PI4KA: variants seen among roughly 807,000 people sequenced by gnomAD.
PI4KA encodes phosphatidylinositol 4-kinase alpha, also known as PI4-kinase alpha.
In PI4KA, 122 loss-of-function variants were observed where a neutral mutation model predicts 271.4. That is an observed-to-expected ratio of 0.45 (90% CI 0.39 to 0.52). PI4KA has a LOEUF of 0.52. Among genes scored for constraint, PI4KA ranks in the 20% least tolerant of loss-of-function variants. The pLI, the probability that PI4KA is intolerant of heterozygous loss-of-function variation, is 0.00. For synonymous variants in PI4KA, 1,041 were observed against 1,078.8 expected (o/e 0.96, Z 0.69); for missense variants, 1,969 against 2,769.1 (o/e 0.71, Z 6.48).
At chr22:20,790,695 AACAAACACACACAC>A (rs1934574175) in intron 19 of PI4KA, among the ~76,000 whole-genome samples, 1 of 92,364 alleles carries the variant, frequency 1.1e-5, no homozygotes, top group African/African-American at 5.2e-5. Context: ...ATTTAAAAAA[AACAAACACACACAC>A]ACACACACAC....
chr22:20,775,328 A>C (rs1321777222), intron 19 of PI4KA, among the ~76,000 whole-genome samples: 4 of 152,244 alleles, frequency 2.6e-5, no homozygotes, highest in African/African-American at 9.6e-5. Flanking sequence ...GTTATACTAA[A>C]TAGCAAAACA....
chr22:20,726,422 C>T (rs890655356), intron 42 of PI4KA, 66 bp downstream of exon 42: 29 of 1,381,440 alleles, frequency 2.1e-5, no homozygotes, highest in Admixed American at 6.9e-5. Context: ...GGGGACAGAC[C>T]GGGCACAAGC....
intron 8 of PI4KA, 87 bp downstream of exon 8, chr22:20,813,271 G>A: frequency 1.0e-6 from 1 of 989,980 alleles, no homozygotes; most frequent in Non-Finnish European, 1.6e-6. Flanking sequence ...CTGGTACTCT[G>A]AGTTTTTCTT....
intron 45 of PI4KA, among the ~76,000 whole-genome samples, chr22:20,715,861 C>A (rs997256153): frequency 1.3e-5 from 2 of 152,120 alleles, no homozygotes; most frequent in African/African-American, 4.8e-5. Context: ...TTTTTAACAG[C>A]TACAATACCT....
At chr22:20,837,669 A>AAAAT (rs915162465) in intron 2 of PI4KA, among the ~76,000 whole-genome samples, 3 of 152,208 alleles carry the variant, frequency 2.0e-5, no homozygotes, top group Admixed American at 1.3e-4. Flanking sequence ...AGTAATGATA[A>AAAAT]AAATAAATAA....
At chr22:20,788,447 G>C (rs183247004) in intron 19 of PI4KA, among the ~76,000 whole-genome samples, 1 of 152,284 alleles carries the variant, frequency 6.6e-6, no homozygotes, top group Non-Finnish European at 1.5e-5. Context: ...TCAATCCCTA[G>C]GGGGCTGGCA....
At chr22:20,835,058 G>A (rs1278771967) in intron 2 of PI4KA, among the ~76,000 whole-genome samples, 1 of 152,142 alleles carries the variant, frequency 6.6e-6, no homozygotes, top group Non-Finnish European at 1.5e-5. Flanking sequence ...TGGGGATGGA[G>A]AGAAGCTCAC....
chr22:20,786,270 C>G, intron 19 of PI4KA: 1 of 1,111,306 alleles, frequency 9.0e-7, no homozygotes, highest in Non-Finnish European at 1.4e-6. Flanking sequence ...GCTGAGTCTG[C>G]TCTTCGGCCT....
chr22:20,751,665 G>A lies in PI4KA; in HGVS notation c.3069+9C>T. On this transcript the variant is annotated intron_variant, in intron 26 of 54. Transcript: ENST00000255882. ...GTGTTTGGGCCCTAGGTCTCCTGGG[G>A]ACACTCACAGCGCTCAGTGACAGTG... 1.9e-6 allele frequency: 3 copies of A among 1,610,516 alleles called. No individual in the cohort carries two copies. The highest frequency in any genetic ancestry group is 2.5e-6 in the Non-Finnish European group (3 of 1,176,656).
chr22:20,836,747 C>T (rs1924915945), intron 2 of PI4KA, among the ~76,000 whole-genome samples: 2 of 152,172 alleles, frequency 1.3e-5, no homozygotes, highest in Non-Finnish European at 2.9e-5. Flanking sequence ...ATATGCAAGG[C>T]CGGTGGGCTG....
intron 28 of PI4KA, among the ~76,000 whole-genome samples, chr22:20,748,614 T>A (rs771045584): frequency 6.6e-6 from 1 of 152,154 alleles, no homozygotes; most frequent in African/African-American, 2.4e-5. Context: ...CTGGAACAGA[T>A]GCAGGCCCTG....
At position 20,781,263 on chromosome 22, in the gene PI4KA, G is replaced by A. The variant is rs539567255; in HGVS notation, c.2328+11930C>T. Among the ~76,000 whole-genome samples the A allele has an allele frequency of 1.9e-4, 29 of 152,310 alleles. No individual in the cohort carries two copies. In the South Asian group the frequency reaches 5.4e-3, roughly 28 times the overall value. ...AAATATCCTCACCTGGACCAGACCA[G>A]AAGAAACCTCTACTTTACTCTCTAA... is the stretch of plus-strand genomic sequence containing the variant. On this transcript the variant is annotated intron_variant, in intron 19 of 54. Transcript: ENST00000255882.
intron 8 of PI4KA, among the ~76,000 whole-genome samples, chr22:20,812,626 C>T (rs949629720): frequency 6.6e-6 from 1 of 152,158 alleles, no homozygotes; most frequent in Non-Finnish European, 1.5e-5. Context: ...GCGATGTTGA[C>T]TACTGCAACC....
At chr22:20,842,197 C>T (rs1368627227) in intron 1 of PI4KA, among the ~76,000 whole-genome samples, 3 of 151,734 alleles carry the variant, frequency 2.0e-5, no homozygotes, top group Non-Finnish European at 4.4e-5. Context: ...CACTGCACTC[C>T]AGCCTGGGCA....
At chr22:20,728,253 T>A (rs944112561) in intron 39 of PI4KA, among the ~76,000 whole-genome samples, 7 of 151,418 alleles carry the variant, frequency 4.6e-5, no homozygotes, top group South Asian at 2.1e-4. Context: ...CACAGAAATT[T>A]AAAAAAAAAG....
chr22:20,724,104 C>T (rs1054517607), intron 42 of PI4KA, among the ~76,000 whole-genome samples: 17 of 151,670 alleles, frequency 1.1e-4, no homozygotes, highest in Admixed American at 1.0e-3. Flanking sequence ...TCCCAAAGTG[C>T]TGGGATTACA....
At chr22:20,711,936 G>A (rs914976218) in intron 50 of PI4KA, among the ~76,000 whole-genome samples, 8 of 151,592 alleles carry the variant, frequency 5.3e-5, no homozygotes, top group African/African-American at 1.9e-4. Flanking sequence ...GTAGAGATGG[G>A]GTTTCACCAT....
chr22:20,809,245 T>C (rs763673815), intron 9 of PI4KA, among the ~76,000 whole-genome samples: 3 of 152,058 alleles, frequency 2.0e-5, no homozygotes, highest in Non-Finnish European at 4.4e-5. Context: ...TCACGAGCTA[T>C]GTAAATAAAG....
chr22:20,731,680 A>G (rs1928069564), intron 36 of PI4KA, among the ~76,000 whole-genome samples: 1 of 152,244 alleles, frequency 6.6e-6, no homozygotes, highest in African/African-American at 2.4e-5. Flanking sequence ...CTGTAATCCT[A>G]GCACTTTGGG....
Sources: gnomAD v4.1 joint callset for allele counts (sites outside exome capture counted in the v4.1 genomes callset) on GRCh38, gnomAD v4.1.1 for gene constraint, MANE v1.5 for transcripts, NCBI Gene and HGNC (gene_info 2026-07-23, HGNC 2026-07-21) for gene names.